Variants in RHOBTB1 observed in about 807,000 individuals in gnomAD.
The protein encoded by RHOBTB1 is Rho related BTB domain containing 1.
RHOBTB1 carries 40 observed loss-of-function variants against 71.6 expected under a neutral mutation model. The observed-to-expected ratio is 0.56, with a 90% CI of 0.43 to 0.73. RHOBTB1 has a LOEUF of 0.73. RHOBTB1 is among the 30% of genes least tolerant of loss of function. The pLI is 0.00. For synonymous variants in RHOBTB1, 319 were observed against 334.9 expected (o/e 0.95, Z 0.52); for missense variants, 797 against 894.0 (o/e 0.89, Z 1.38).
intron 1 of RHOBTB1, 68 bp downstream of exon 1, chr10:60,943,903 G>C: frequency 6.6e-6 from 1 of 152,226 alleles, no homozygotes; most frequent in Admixed American, 6.5e-5. Flanking sequence ...GGGCCGGGGC[G>C]GTGGGGGCTC....
Position 60,910,945 on chromosome 10 carries a change from G to C in RHOBTB1, c.238C>G (p.Leu80Val), listed in dbSNP as rs765041776. ...RDVVDEVSVS[L>V]RLWDTFGDHH... Reference sequence around the variant, plus strand: ...TCACCAAAAGTATCCCAAAGCCTGAGAGAAACACTCACTTCATCAACAACA... The same window carrying C: ...TCACCAAAAGTATCCCAAAGCCTGACAGAAACACTCACTTCATCAACAACA... Residue 80 changes from leucine to valine, a missense_variant, in exon 4 of 11, where the codon CTC (leucine) becomes GTC (valine). Leu to Val is a conservative substitution (Grantham distance 32, BLOSUM62 1). Transcript: ENST00000337910. The C allele has an allele frequency of 1.2e-6, 2 of 1,614,122 alleles. No homozygotes were observed. Among genetic ancestry groups the C allele is most frequent in the South Asian group, 2.2e-5 (2 of 91,080 alleles).
chr10:60,892,351 G>GT (rs2081964595), intron 5 of RHOBTB1, among the ~76,000 whole-genome samples: 3 of 152,278 alleles, frequency 2.0e-5, no homozygotes, highest in Admixed American at 2.0e-4. Flanking sequence ...ATGAAATACT[G>GT]TAACAGGTTG....
intron 8 of RHOBTB1, among the ~76,000 whole-genome samples, chr10:60,876,312 T>C (rs936305331): frequency 6.6e-6 from 1 of 152,192 alleles, no homozygotes; most frequent in Non-Finnish European, 1.5e-5. Flanking sequence ...GTATATTAAA[T>C]AATCATAACA....
At chr10:60,865,073 T>A (rs941021364), downstream of RHOBTB1, among the ~76,000 whole-genome samples, 4 of 152,152 alleles carry the variant, frequency 2.6e-5, no homozygotes, top group Non-Finnish European at 5.9e-5. Flanking sequence ...CCAAACCTGG[T>A]AATGGGAGAG....
At chr10:60,911,719 G>T (rs2082982427) in intron 2 of RHOBTB1, among the ~76,000 whole-genome samples, 167 bp from the exon 3 acceptor site, 1 of 152,194 alleles carries the variant, frequency 6.6e-6, no homozygotes, top group Non-Finnish European at 1.5e-5. Context: ...TGACACTCAA[G>T]TTTTCTTTTT....
the RHOBTB1 span, among the ~76,000 whole-genome samples, chr10:60,862,441 G>A: frequency 4.6e-5 from 7 of 151,884 alleles, no homozygotes; most frequent in East Asian, 5.9e-4. Flanking sequence ...CAGGTGATCC[G>A]CCTACCTCCG....
At chr10:60,924,631 C>G (rs2133820428) in intron 2 of RHOBTB1, among the ~76,000 whole-genome samples, 1 of 152,280 alleles carries the variant, frequency 6.6e-6, no homozygotes, top group Non-Finnish European at 1.5e-5. Context: ...TTAGTCTGCA[C>G]TATAGACCAA....
At chr10:60,912,479 C>T (rs2083044254) in intron 2 of RHOBTB1, among the ~76,000 whole-genome samples, 1 of 152,162 alleles carries the variant, frequency 6.6e-6, no homozygotes. Context: ...GTGATCTCCC[C>T]ACCTTGGCCT....
the RHOBTB1 span, among the ~76,000 whole-genome samples, chr10:60,864,174 A>G: frequency 0.18 from 27,541 of 152,048 alleles, 2,785 homozygotes; most frequent in African/African-American, 0.27. Context: ...ATGGAAGGGC[A>G]TTTCTTAAGT....
At chr10:60,910,766 TG>T in intron 4 of RHOBTB1, 120 bp downstream of exon 4, 1 of 707,648 alleles carries the variant, frequency 1.4e-6, no homozygotes, top group African/African-American at 1.8e-5. Context: ...TTAGACACAG[TG>T]CAGAACCCAG....
chr10:60,916,369 C>G (rs1195179984), intron 2 of RHOBTB1, among the ~76,000 whole-genome samples: 2 of 152,208 alleles, frequency 1.3e-5, no homozygotes, highest in Non-Finnish European at 2.9e-5. Context: ...TCCAGCTCAG[C>G]CAATCCTACA....
chr10:60,919,862 CA>C (rs2083461113), intron 2 of RHOBTB1, among the ~76,000 whole-genome samples: 1 of 152,166 alleles, frequency 6.6e-6, no homozygotes, highest in African/African-American at 2.4e-5. Context: ...GATTAGAAAC[CA>C]ACCTTCTTTT....
In RHOBTB1 at chr10:60,944,022, G is replaced by C. The variant is rs1477957060; in HGVS notation, c.-113C>G. The C allele has an allele frequency of 1.3e-5, 2 of 151,754 alleles. No homozygotes were observed. The highest frequency in any genetic ancestry group is 4.8e-5 in the African/African-American group (2 of 41,364). 9.4% of individuals were successfully genotyped at this position (151,754 alleles called of 1,614,324 possible). A position where few individuals can be genotyped will look rare whatever the true frequency, so the allele number is the denominator to read the frequency against. On this transcript the variant is annotated 5_prime_UTR_variant, in exon 1 of 11. Coordinates refer to ENST00000337910, the MANE Select transcript of RHOBTB1 (RefSeq NM_014836.5). ...TCTCCGCCTTCAAGGGCCGGGGGGA[G>C]CGGGGGGGCCCCCGCCACTCAGCAG...
chr10:60,991,174 C>T lies in RHOBTB1; in HGVS notation c.-162-5229G>A, dbSNP rs142387224. Among the ~76,000 whole-genome samples, 473 of 152,272 alleles carry T rather than the reference C, an allele frequency of 3.1e-3. 4 individuals are homozygous for T. The highest frequency in any genetic ancestry group is 0.011 in the African/African-American group (451 of 41,546). ...TATGCATACTCTTCCCCCTTGCCAACCCATATTCCACACGGTAGCCAGAAA... is the reference window on the plus strand; with the variant it reads ...TATGCATACTCTTCCCCCTTGCCAATCCATATTCCACACGGTAGCCAGAAA... On this transcript the variant is annotated intron_variant, in intron 1 of 11. Transcript: ENST00000357917.
intron 2 of RHOBTB1, among the ~76,000 whole-genome samples, chr10:60,973,001 G>A (rs775359500): frequency 1.3e-5 from 2 of 152,014 alleles, no homozygotes; most frequent in African/African-American, 2.4e-5. Flanking sequence ...TCCTTAAACC[G>A]TGACTATAGA....
At chr10:60,901,951 G>T (rs1042979635) in intron 4 of RHOBTB1, among the ~76,000 whole-genome samples, 3 of 152,162 alleles carry the variant, frequency 2.0e-5, no homozygotes, top group African/African-American at 7.2e-5. Flanking sequence ...CTGGTGCTTG[G>T]GCAGCAGCCA....
intron 2 of RHOBTB1, among the ~76,000 whole-genome samples, chr10:60,982,813 C>G (rs1175395820): frequency 6.6e-6 from 1 of 152,176 alleles, no homozygotes; most frequent in Non-Finnish European, 1.5e-5. Flanking sequence ...CATGTAGACT[C>G]TCACTCTTGA....
chr10:60,906,251 T>C (rs1244540905), intron 4 of RHOBTB1, among the ~76,000 whole-genome samples: 1 of 152,220 alleles, frequency 6.6e-6, no homozygotes, highest in African/African-American at 2.4e-5. Flanking sequence ...AAGGTTTGCT[T>C]GGATGTATCA....
chr10:60,959,218 G>A (rs2085699335), intron 2 of RHOBTB1, among the ~76,000 whole-genome samples: 1 of 152,138 alleles, frequency 6.6e-6, no homozygotes, highest in African/African-American at 2.4e-5. Context: ...GCAAGGGAAA[G>A]ACATGGCCAC....
Sources: gnomAD v4.1 joint callset for allele counts (sites outside exome capture counted in the v4.1 genomes callset) on GRCh38, gnomAD v4.1.1 for gene constraint, MANE v1.5 for transcripts, NCBI Gene and HGNC (gene_info 2026-07-23, HGNC 2026-07-21) for gene names.